The following EYA1 variants were observed in gnomAD, a reference collection of about 807,000 sequenced individuals.
EYA1 encodes the protein protein phosphatase EYA1.
A neutral mutation model predicts 82.0 loss-of-function variants in EYA1; 16 were observed. The ratio of observed to expected loss-of-function variants is 0.20; its 90% CI spans 0.13 to 0.30. EYA1 has a LOEUF of 0.30. Among genes scored for constraint, EYA1 ranks in the 10% least tolerant of loss-of-function variants. The pLI, the probability that EYA1 is intolerant of heterozygous loss-of-function variation, is 1.00. For synonymous variants in EYA1, 261 were observed against 264.4 expected, an observed-to-expected ratio of 0.99 and a Z score of 0.12; for missense variants, 633 against 730.7, an observed-to-expected ratio of 0.87 and a Z score of 1.54.
intron 2 of EYA1, among the ~76,000 whole-genome samples, chr8:71,493,122 C>T (rs1338013502): frequency 6.6e-6 from 1 of 152,172 alleles, no homozygotes; most frequent in East Asian, 1.9e-4. Context: ...GTATAGTATT[C>T]CATGGTGTAT....
intron 1 of EYA1, 45 bp downstream of exon 1, chr8:71,361,602 T>C (rs953632243): frequency 4.5e-5 from 41 of 920,150 alleles, no homozygotes; most frequent in Non-Finnish European, 5.2e-5. Flanking sequence ...ACAGGACAGC[T>C]GTTGTCAGTC....
chr8:71,398,195 C>T (rs1375063403), intron 2 of EYA1, among the ~76,000 whole-genome samples: 1 of 152,144 alleles, frequency 6.6e-6, no homozygotes, highest in Non-Finnish European at 1.5e-5. Flanking sequence ...TTCATCTAAT[C>T]TTTTTCCAAG....
chr8:71,382,564 A>G (rs139265150), intron 2 of EYA1, among the ~76,000 whole-genome samples: 158 of 152,270 alleles, frequency 1.0e-3, no homozygotes, highest in African/African-American at 3.7e-3. Context: ...TAAAGTTGCA[A>G]TTTGTCTCCT....
chr8:71,227,835 T>C (rs1810741192), intron 12 of EYA1, among the ~76,000 whole-genome samples: 1 of 152,234 alleles, frequency 6.6e-6, no homozygotes, highest in Admixed American at 6.5e-5. Context: ...CCTTTTTAAA[T>C]GTCTTTTTCT....
intron 11 of EYA1, among the ~76,000 whole-genome samples, chr8:71,259,219 G>C (rs948682576): frequency 6.6e-6 from 1 of 152,090 alleles, no homozygotes; most frequent in Non-Finnish European, 1.5e-5. Context: ...GTACCACTAA[G>C]GACTTTCTAC....
intron 9 of EYA1, among the ~76,000 whole-genome samples, chr8:71,277,047 T>C (rs367621349): frequency 6.6e-6 from 1 of 150,838 alleles, no homozygotes; most frequent in African/African-American, 2.4e-5. Context: ...CTTCATAGTC[T>C]ACTTCAGATA....
Position 71,199,031 on chromosome 8 carries a change from G to A in EYA1, c.*309C>T. ...TATCACATTGAAAATGCTAACAACT[G>A]AAGCGTTTGCAGGTCCTTTCTTCAC... On this transcript the variant is annotated 3_prime_UTR_variant, in exon 18 of 18. Coordinates refer to ENST00000340726, the MANE Select transcript of EYA1 (RefSeq NM_000503.6). The A allele has an allele frequency of 4.8e-6, 2 of 420,562 alleles. No homozygotes were observed. Among genetic ancestry groups the A allele is most frequent in the Non-Finnish European group, 8.9e-6 (2 of 224,526 alleles). 26.1% of individuals were successfully genotyped at this position (420,562 alleles called of 1,614,324 possible). A position where few individuals can be genotyped will look rare whatever the true frequency, so the allele number is the denominator to read the frequency against.
At chr8:71,373,442 TC>T (rs1828194116) in intron 2 of EYA1, among the ~76,000 whole-genome samples, 1 of 151,986 alleles carries the variant, frequency 6.6e-6, no homozygotes, top group Admixed American at 6.6e-5. Context: ...AAGTAAAAGA[TC>T]CGTACATTGA....
intron 3 of EYA1, among the ~76,000 whole-genome samples, chr8:71,351,454 G>A (rs1826299064): frequency 6.6e-6 from 1 of 152,066 alleles, no homozygotes; most frequent in Non-Finnish European, 1.5e-5. Context: ...TGTATAAACT[G>A]GGTGAAACCA....
chr8:71,485,655 T>C (rs1490254523), intron 2 of EYA1, among the ~76,000 whole-genome samples: 1 of 152,240 alleles, frequency 6.6e-6, no homozygotes, highest in African/African-American at 2.4e-5. Context: ...GGCTTTGTTT[T>C]TCTTTATATT....
chr8:71,219,420 C>T (rs1809611395), intron 12 of EYA1, among the ~76,000 whole-genome samples: 1 of 151,826 alleles, frequency 6.6e-6, no homozygotes, highest in African/African-American at 2.4e-5. Context: ...TCATCAGCAC[C>T]TCCAGGAATG....
At chr8:71,330,011 GA>G (rs1241369553) in intron 4 of EYA1, among the ~76,000 whole-genome samples, 2 of 152,102 alleles carry the variant, frequency 1.3e-5, no homozygotes, top group Admixed American at 1.3e-4. Flanking sequence ...GGTGTACAGG[GA>G]AAGGACTGCC....
At position 71,310,149 on chromosome 8, in the gene EYA1, C is replaced by T. The variant is rs73290094; in HGVS notation, c.556+7403G>A. ...TCAGAAAGGCATTCTATACCACCAT[C>T]GTGATGATTCTGTGATGTCTCCAAC... On this transcript the variant is annotated intron_variant, in intron 7 of 17. Coordinates refer to ENST00000340726, the MANE Select transcript of EYA1 (RefSeq NM_000503.6). Among the ~76,000 whole-genome samples, 81 of 152,290 alleles carry T rather than the reference C, an allele frequency of 5.3e-4. 1 individual carries two copies. Among genetic ancestry groups the T allele is most frequent in the African/African-American group, 1.9e-3 (77 of 41,564 alleles).
In EYA1 at chr8:71,281,077, C is replaced by A. The variant is rs115049592; in HGVS notation, c.827-9180G>T. ...CAGTGAAAAACTCCATTAAAAAGGT[C>A]TCTATATAATAGTTTTTTAAAAACA... On this transcript the variant is annotated intron_variant, in intron 9 of 17. Coordinates refer to ENST00000340726, the MANE Select transcript of EYA1 (RefSeq NM_000503.6). Among the ~76,000 whole-genome samples, 298 of 152,272 alleles carry A rather than the reference C, an allele frequency of 2.0e-3. 1 individual carries two copies. Among genetic ancestry groups the A allele is most frequent in the African/African-American group, 6.9e-3 (288 of 41,550 alleles).
chr8:71,308,914 C>T (rs772916150), intron 7 of EYA1, among the ~76,000 whole-genome samples: 8 of 152,124 alleles, frequency 5.3e-5, no homozygotes, highest in Non-Finnish European at 8.8e-5. Flanking sequence ...TGTATTTTCA[C>T]AGAAGTCCAT....
At chr8:71,425,979 C>T (rs1032240658) in intron 2 of EYA1, among the ~76,000 whole-genome samples, 2 of 152,154 alleles carry the variant, frequency 1.3e-5, no homozygotes, top group African/African-American at 4.8e-5. Context: ...GCTATATAGA[C>T]CTCATGAGGC....
intron 9 of EYA1, among the ~76,000 whole-genome samples, chr8:71,280,687 C>T (rs1205232674): frequency 6.6e-6 from 1 of 152,208 alleles, no homozygotes; most frequent in Non-Finnish European, 1.5e-5. Flanking sequence ...CATGTGCACA[C>T]ATTCATTCAG....
rs1824439308 is a variant in EYA1 at position 71,335,977 on chromosome 8, A to C, written c.125-1803T>G. On this transcript the variant is annotated intron_variant, in intron 3 of 17. Coordinates refer to ENST00000340726, the MANE Select transcript of EYA1 (RefSeq NM_000503.6). ...AAACAGGTCCTGTAAAGTGCCTACT[A>C]TGTGTCAGTTATTTATAGACATTAT... Among the ~76,000 whole-genome samples, 2 of 152,186 alleles carry C rather than the reference A, an allele frequency of 1.3e-5. 1 individual carries two copies. Among genetic ancestry groups the C allele is most frequent in the South Asian group, 4.1e-4 (2 of 4,828 alleles).
intron 2 of EYA1, among the ~76,000 whole-genome samples, chr8:71,512,728 T>A (rs1423958448): frequency 6.6e-6 from 1 of 152,048 alleles, no homozygotes; most frequent in African/African-American, 2.4e-5. Flanking sequence ...AATTTTAAAA[T>A]GTAATGAAAC....
Sources: allele counts gnomAD v4.1 joint callset (sites outside exome capture counted in the v4.1 genomes callset), GRCh38; gene constraint gnomAD v4.1.1; transcripts MANE v1.5; gene names NCBI Gene and HGNC (gene_info 2026-07-23, HGNC 2026-07-21).